Variants in NLRP2 observed in about 807,000 individuals in gnomAD.
The protein encoded by NLRP2 is NLR family pyrin domain containing 2.
NLRP2 carries 107 observed loss-of-function variants against 97.2 expected under a neutral mutation model. The observed-to-expected ratio is 1.10, with a 90% confidence interval of 0.94 to 1.29. NLRP2 has a LOEUF of 1.29. NLRP2 is among the 50% of genes most tolerant of loss of function. The probability of loss-of-function intolerance (pLI) is 0.00; values close to 1 mark genes in which losing one functional copy is unlikely to be tolerated. For missense variants in NLRP2, 1,495 were observed against 1,330.3 expected, an observed-to-expected ratio of 1.12 and a Z score of -1.93; for synonymous variants, 663 against 551.5, an observed-to-expected ratio of 1.20 and a Z score of -2.83.
rs752920496 is a variant in NLRP2, at chr19:54,983,779, G to A, written c.2030+51G>A. 6.3e-6 allele frequency: 10 copies of A among 1,599,270 alleles called. No homozygotes were observed. The South Asian group carries it at 8.8e-5, about 14-fold the overall frequency. On this transcript the variant is annotated intron_variant, in intron 6 of 12. Coordinates refer to ENST00000448584, the MANE Select transcript of NLRP2 (RefSeq NM_017852.5). ...CGTTCCATCTTTAGCCTCATCCCAT[G>A]CCCCCTTAGGAAGAGGCCAGAGCCT...
chr19:54,982,135 T>C, intron 5 of NLRP2, 27 bp from the exon 6 acceptor site: 1 of 1,613,550 alleles, frequency 6.2e-7, no homozygotes, highest in Non-Finnish European at 8.5e-7. Flanking sequence ...GCATCCTCTC[T>C]CCCTTCCCTC....
intron 4 of NLRP2, among the ~76,000 whole-genome samples, chr19:54,980,384 C>CG (rs2071495576): frequency 6.6e-6 from 1 of 151,876 alleles, no homozygotes; most frequent in Admixed American, 6.6e-5. Context: ...GTAGTAGAGA[C>CG]AGGGTTTCAC....
chr19:54,999,383 G>A (rs893442238), intron 12 of NLRP2, among the ~76,000 whole-genome samples: 5 of 152,162 alleles, frequency 3.3e-5, no homozygotes, highest in African/African-American at 1.2e-4. Flanking sequence ...CTGACTTCAG[G>A]TGACCCGCCT....
intron 10 of NLRP2, chr19:54,991,570 A>G (rs1170713159): frequency 1.3e-5 from 2 of 151,052 alleles, no homozygotes; most frequent in Non-Finnish European, 2.9e-5. Context: ...AAATTATAGG[A>G]CAAATCTTTA....
chr19:54,976,810 C>CTTTTTTTTTTTTTTTTGTTTTTTTTTTTT (rs749684265), intron 3 of NLRP2: 1 of 268,530 alleles, frequency 3.7e-6, no homozygotes, highest in Non-Finnish European at 6.9e-6. Context: ...CTTGTTCTCT[C>CTTTTTTTTTTTTTTTTGTTTTTTTTTTTT]TCTTTTTTTT....
intron 5 of NLRP2, 152 bp downstream of exon 5, chr19:54,981,834 C>T (rs1209399856): frequency 2.5e-5 from 18 of 706,550 alleles, no homozygotes; most frequent in East Asian, 8.1e-5. Flanking sequence ...GCTGGAGTGC[C>T]GTGGCGTGAT....
intron 4 of NLRP2, 108 bp from the exon 5 acceptor site, chr19:54,981,509 G>GCCCCCACC: frequency 5.2e-6 from 2 of 386,504 alleles, no homozygotes; most frequent in South Asian, 4.2e-5. Context: ...CTGATCCCGT[G>GCCCCCACC]CCCCCCCTCC....
Position 54,982,310 on chromosome 19 carries a change from C to T in NLRP2, c.612C>T (p.Pro204=), listed in dbSNP as rs763411571. 3 of 1,614,106 alleles carry T rather than the reference C, an allele frequency of 1.9e-6. No individual in the cohort carries two copies. In the Admixed American group the frequency reaches 5.0e-5, roughly 27 times the overall value. ...GCAACCCCAGGGTGCTTCCCGGGCC[C>T]TTCTCATACACGGTGGTGCTGTATG... ...PFSNPRVLPG[P]FSYTVVLYGP... is the part of the protein sequence containing the mutation. Residue 204 remains proline (P), a synonymous_variant, in exon 6 of 13, where the codon CCC becomes CCT. Coordinates refer to ENST00000448584, the MANE Select transcript of NLRP2 (RefSeq NM_017852.5).
chr19:54,974,486 T>G lies in NLRP2; in HGVS notation c.281-14T>G, dbSNP rs767874205. On this transcript the variant is annotated splice_polypyrimidine_tract_variant and intron_variant, in intron 2 of 12. Coordinates refer to ENST00000448584, the MANE Select transcript of NLRP2 (RefSeq NM_017852.5). ...TGGTAAAATGCAAAATTTTCCCCCC[T>G]TCTCCTTTTTCAGAAGCAGCTTTGA... 1 of 1,609,418 alleles carries G rather than the reference T, an allele frequency of 6.2e-7. No homozygotes were observed. Among genetic ancestry groups the G allele is most frequent in the Non-Finnish European group, 8.5e-7 (1 of 1,175,874 alleles).
rs201735558 is a variant in NLRP2 at position 54,983,640 on chromosome 19, C to G, written c.1942C>G (p.Arg648Gly). 1.9e-5 allele frequency: 30 copies of G among 1,613,996 alleles called. No individual in the cohort carries two copies. Among genetic ancestry groups the G allele is most frequent in the Admixed American group, 3.3e-5 (2 of 59,990 alleles). ...ATCTTCATTCTGCGTCAAGCACTGTCGAAACCTGCAGAAAATGTCACTGCA... is the reference window on the plus strand; with the variant it reads ...ATCTTCATTCTGCGTCAAGCACTGTGGAAACCTGCAGAAAATGTCACTGCA... ...VPSSFCVKHC[R>G]NLQKMSLQVI... is the part of the protein sequence containing the mutation. Residue 648 changes from arginine to glycine, a missense_variant, in exon 6 of 13, where the codon CGA becomes GGA. Arg to Gly is a moderately radical substitution (Grantham distance 125, BLOSUM62 -2). Transcript: ENST00000448584.
At chr19:54,996,311 GTC>G in intron 11 of NLRP2, among the ~76,000 whole-genome samples, 1 of 152,088 alleles carries the variant, frequency 6.6e-6, no homozygotes, top group South Asian at 2.1e-4. Context: ...AGACCAGCCT[GTC>G]TCTACTAAAG....
chr19:54,985,273 G>A, intron 7 of NLRP2, 56 bp downstream of exon 7: 2 of 1,514,684 alleles, frequency 1.3e-6, no homozygotes, highest in South Asian at 2.2e-5. Flanking sequence ...ATGGTACAAT[G>A]TTAACATCGG....
chr19:54,986,206 G>A lies in NLRP2; in HGVS notation c.2257G>A (p.Gly753Ser). The change falls in exon 8 of 13, where the codon GGT (glycine) becomes AGT (serine). Residue 753 changes from glycine to serine, a missense_variant. Gly to Ser is a moderately conservative substitution (Grantham distance 56, BLOSUM62 0). Coordinates refer to ENST00000448584, the MANE Select transcript of NLRP2 (RefSeq NM_017852.5). Reference protein sequence around the residue: ...AHRNLCLALRGHKTVTYLTLQ... With the variant: ...AHRNLCLALRSHKTVTYLTLQ... ...TCGGAACCTCTGCCTAGCTCTTCGA[G>A]GTCACAAGACTGTAACGTATCTGAC... 3.7e-6 allele frequency: 6 copies of A among 1,613,476 alleles called. No homozygotes were observed. The highest frequency in any genetic ancestry group is 4.2e-6 in the Non-Finnish European group (5 of 1,179,432).
chr19:54,980,711 G>A (rs2071517750), intron 4 of NLRP2, among the ~76,000 whole-genome samples: 1 of 152,206 alleles, frequency 6.6e-6, no homozygotes, highest in Non-Finnish European at 1.5e-5. Flanking sequence ...TTCAGCAGAA[G>A]TGTTTGATAA....
At chr19:54,978,883 TTATGG>T (rs1456615970) in intron 4 of NLRP2, among the ~76,000 whole-genome samples, 1 of 151,960 alleles carries the variant, frequency 6.6e-6, no homozygotes, top group Admixed American at 6.6e-5. Context: ...ATAAATGTAT[TTATGG>T]TACATTGCTC....
intron 11 of NLRP2, among the ~76,000 whole-genome samples, chr19:54,995,026 G>A (rs1485102060): frequency 6.7e-6 from 1 of 150,296 alleles, no homozygotes; most frequent in Non-Finnish European, 1.5e-5. Context: ...AGAGAGGTGG[G>A]AATTGGGCCA....
At position 54,983,148 on chromosome 19, in the gene NLRP2, C is replaced by T; in HGVS notation, c.1450C>T (p.Leu484=). The change falls in exon 6 of 13, where the codon CTG becomes TTG. Residue 484 remains leucine, a synonymous_variant. Coordinates refer to ENST00000448584, the MANE Select transcript of NLRP2 (RefSeq NM_017852.5). ...GVQESDLRLF[L]DGDILRQDRV... ...GCAGGAGTCCGACCTCCGTCTGTTC[C>T]TGGACGGAGACATCCTCCGCCAGGA... The T allele has an allele frequency of 3.1e-6, 5 of 1,613,902 alleles. No individual in the cohort carries two copies. Among genetic ancestry groups the T allele is most frequent in the South Asian group, 1.1e-5 (1 of 91,074 alleles).
intron 3 of NLRP2, among the ~76,000 whole-genome samples, chr19:54,975,199 C>A (rs1476992039): frequency 7.0e-6 from 1 of 143,364 alleles, no homozygotes; most frequent in Non-Finnish European, 1.5e-5. Context: ...TGGTTCACTG[C>A]AGCCTTGACC....
At chr19:54,997,555 T>C (rs1195183832) in intron 12 of NLRP2, 68 bp downstream of exon 12, 3 of 1,506,408 alleles carry the variant, frequency 2.0e-6, no homozygotes, top group Non-Finnish European at 2.8e-6. Flanking sequence ...CATAATGACA[T>C]GGACCTGCTG....
Sources: gnomAD v4.1 joint callset for allele counts (sites outside exome capture counted in the v4.1 genomes callset) on GRCh38, gnomAD v4.1.1 for gene constraint, MANE v1.5 for transcripts, NCBI Gene and HGNC (gene_info 2026-07-23, HGNC 2026-07-21) for gene names.